TMEM63A: variants seen among roughly 807,000 people sequenced by gnomAD.
TMEM63A encodes transmembrane protein 63A.
TMEM63A carries 76 observed loss-of-function variants against 100.6 expected under a neutral mutation model. The observed-to-expected ratio is 0.76, with a 90% confidence interval of 0.63 to 0.91. The LOEUF (loss-of-function observed/expected upper bound fraction) is 0.91. Ranked by LOEUF, TMEM63A falls within the 40% of genes least tolerant of loss-of-function variation. The probability of loss-of-function intolerance (pLI) is 0.00; values close to 1 mark genes in which losing one functional copy is unlikely to be tolerated. For synonymous variants in TMEM63A, 401 were observed against 401.1 expected, an observed-to-expected ratio of 1.00 and a Z score of 0.00; for missense variants, 876 against 1,008.8, an observed-to-expected ratio of 0.87 and a Z score of 1.78.
chr1:225,861,789 C>G (rs1669951605), intron 13 of TMEM63A: 1 of 198,312 alleles, frequency 5.0e-6, no homozygotes. Flanking sequence ...CCCCAGGGGT[C>G]TTCCCCACAG....
chr1:225,872,747 T>A (rs1175916908), intron 4 of TMEM63A, among the ~76,000 whole-genome samples: 1 of 144,482 alleles, frequency 6.9e-6, no homozygotes, highest in African/African-American at 2.6e-5. Flanking sequence ...AAGCTGGAAG[T>A]GCAGTGGGGT....
chr1:225,879,653 C>G (rs1433408613), intron 1 of TMEM63A, among the ~76,000 whole-genome samples: 1 of 152,204 alleles, frequency 6.6e-6, no homozygotes, highest in Non-Finnish European at 1.5e-5. Flanking sequence ...CCTGTGGCCC[C>G]AGCCTCTCTC....
chr1:225,866,720 C>T, intron 8 of TMEM63A, 38 bp from the exon 9 acceptor site: 1 of 1,599,450 alleles, frequency 6.3e-7, no homozygotes, highest in Non-Finnish European at 8.6e-7. Context: ...GCTGGGATCC[C>T]AGGCAGGGAG....
chr1:225,859,431 G>A (rs1304248632), intron 14 of TMEM63A, 82 bp from the exon 15 acceptor site: 1 of 1,555,472 alleles, frequency 6.4e-7, no homozygotes, highest in East Asian at 2.3e-5. Context: ...TCAGATTTAG[G>A]CAGACCAAGA....
chr1:225,866,216 A>G (rs1229536393), intron 9 of TMEM63A: 2 of 545,372 alleles, frequency 3.7e-6, no homozygotes, highest in Non-Finnish European at 6.6e-6. Flanking sequence ...AGACTGAGAA[A>G]GAGGGGAAGT....
At chr1:225,857,376 C>CGGGGTGGGGGGGGGGGGG (rs1213111924) in intron 15 of TMEM63A, among the ~76,000 whole-genome samples, 1 of 3,268 alleles carries the variant, frequency 3.1e-4, no homozygotes, top group African/African-American at 6.2e-4. Flanking sequence ...GAGTCCTGGC[C>CGGGGTGGGGGGGGGGGGG]GGCGGGGCGG....
intron 14 of TMEM63A, chr1:225,860,625 G>A (rs1669888292): frequency 1.0e-5 from 4 of 382,624 alleles, no homozygotes; most frequent in South Asian, 1.3e-4. Context: ...ATGCAGAACT[G>A]GCATTATATT....
chr1:225,856,832 G>T, intron 16 of TMEM63A, 79 bp downstream of exon 16: 1 of 1,575,652 alleles, frequency 6.3e-7, no homozygotes, highest in South Asian at 1.1e-5. Flanking sequence ...CTGAGCAGCT[G>T]GGGGGTTAGG....
downstream of TMEM63A, among the ~76,000 whole-genome samples, chr1:225,841,536 G>A (rs529609202): frequency 5.2e-4 from 78 of 150,922 alleles, no homozygotes; most frequent in African/African-American, 1.8e-3. Flanking sequence ...CACCCGCCTC[G>A]GCCTCCCAAA....
rs1340565828 is a variant in TMEM63A, at chr1:225,867,340, A to G, written c.515-177T>C. On this transcript the variant is annotated intron_variant, in intron 7 of 24. Coordinates refer to ENST00000366835, the MANE Select transcript of TMEM63A (RefSeq NM_014698.3). This position sits in a 1 kb window ranked among gnomAD's most constrained non-coding sequence, Gnocchi z 4.6. ...CCATCAAGGCCTCTGCTTGAAACCA[A>G]AATGCTCCCTGATAACTTCTCAACC... 6.6e-6 allele frequency among the ~76,000 whole-genome samples: 1 copy of G among 152,108 alleles called. No homozygotes were observed. The highest frequency in any genetic ancestry group is 1.5e-5 in the Non-Finnish European group (1 of 68,020).
Position 225,845,766 on chromosome 1 carries a change from C to G in TMEM63A, c.*1173G>C. 3.3e-6 allele frequency: 1 copy of G among 306,914 alleles called. No individual in the cohort carries two copies. Among genetic ancestry groups the G allele is most frequent in the East Asian group, 8.6e-5 (1 of 11,644 alleles). 19.0% of individuals were successfully genotyped at this position (306,914 alleles called of 1,614,324 possible). A position where few individuals can be genotyped will look rare whatever the true frequency, so the allele number is the denominator to read the frequency against. ...GGGGCAGCTTGGAGCAGAGGCAGCA[C>G]TGGCCACCACTGCGGGGGCAAGTCA... On this transcript the variant is annotated 3_prime_UTR_variant, in exon 25 of 25. Transcript: ENST00000366835.
downstream of TMEM63A, chr1:225,845,327 T>C (rs1425014181): frequency 5.0e-6 from 8 of 1,611,344 alleles, no homozygotes; most frequent in Non-Finnish European, 6.8e-6. Flanking sequence ...CAAGTTCCTG[T>C]CGGTGCTGGA....
chr1:225,862,436 C>G lies in TMEM63A; in HGVS notation c.951+19G>C, dbSNP rs139018601. On this transcript the variant is annotated intron_variant, in intron 12 of 24. Transcript: ENST00000366835. The surrounding 1 kb of genome is among the most constrained non-coding windows in gnomAD (Gnocchi z 5.1). ...CGATGCCAATGCCTCTGCTCCCAGCCGGGGGGTGGGACCCTTACCCACTCA... is the reference window on the plus strand; with the variant it reads ...CGATGCCAATGCCTCTGCTCCCAGCGGGGGGGTGGGACCCTTACCCACTCA... 6.2e-7 allele frequency: 1 copy of G among 1,613,798 alleles called. No individual in the cohort carries two copies. Among genetic ancestry groups the G allele is most frequent in the Non-Finnish European group, 8.5e-7 (1 of 1,179,772 alleles).
chr1:225,866,037 C>T (rs1012813408), intron 9 of TMEM63A, 70 bp from the exon 10 acceptor site: 20 of 1,512,566 alleles, frequency 1.3e-5, no homozygotes, highest in Middle Eastern at 1.7e-4. Flanking sequence ...AGGTTTCCTA[C>T]CCAACTCCAG....
chr1:225,864,318 G>C (rs1670092533), intron 10 of TMEM63A: 1 of 152,182 alleles, frequency 6.6e-6, no homozygotes, highest in Admixed American at 6.5e-5. Context: ...ACAGCCCATA[G>C]GTATATCAAT....
chr1:225,876,619 C>CT (rs1182322714), intron 3 of TMEM63A, among the ~76,000 whole-genome samples: 1 of 151,854 alleles, frequency 6.6e-6, no homozygotes, highest in Admixed American at 6.6e-5. Context: ...AAGGTACGCT[C>CT]TAAGAATCAG....
intron 18 of TMEM63A, among the ~76,000 whole-genome samples, chr1:225,855,317 T>C (rs943721363): frequency 6.6e-6 from 1 of 152,204 alleles, no homozygotes; most frequent in Non-Finnish European, 1.5e-5. Flanking sequence ...GAGAGAATAA[T>C]AGTATCTTCC....
In TMEM63A at chr1:225,847,138, T is replaced by TCTGCTG. The variant is rs750876984; in HGVS notation, c.2320_2325dup (p.Gln774_Gln775dup). On this transcript the variant is annotated inframe_insertion, in exon 24 of 25. Coordinates refer to ENST00000366835, the MANE Select transcript of TMEM63A (RefSeq NM_014698.3). Reference sequence around the variant, plus strand: ...CTGATGTTGTGGATGGCACCATAGGTCTGCTGCTGCTGCTGCTGCGGAGAC... The same window carrying TCTGCTG: ...CTGATGTTGTGGATGGCACCATAGGTCTGCTGCTGCTGCTGCTGCTGCTGCGGAGAC... 70 of 1,612,132 alleles carry TCTGCTG rather than the reference T, an allele frequency of 4.3e-5. No individual in the cohort carries two copies. In the African/African-American group the frequency reaches 6.5e-4, roughly 15 times the overall value.
intron 5 of TMEM63A, chr1:225,871,464 C>T (rs763086844): frequency 3.9e-5 from 10 of 259,034 alleles, no homozygotes; most frequent in African/African-American, 1.3e-4. Flanking sequence ...ATGGATTGGA[C>T]GGTCCGCTGG....
Sources: gnomAD v4.1 joint callset for allele counts (sites outside exome capture counted in the v4.1 genomes callset) on GRCh38, gnomAD v4.1.1 for gene constraint, Gnocchi (gnomAD v3.1) non-coding constraint, MANE v1.5 for transcripts, NCBI Gene and HGNC (gene_info 2026-07-23, HGNC 2026-07-21) for gene names.